Variants in VIT observed in about 807,000 individuals in gnomAD.
VIT encodes the protein vitrin.
In VIT, 99 loss-of-function variants were observed where a neutral mutation model predicts 78.0. The observed-to-expected ratio is 1.27, with a 90% confidence interval of 1.08 to 1.50. VIT has a LOEUF of 1.50. Ranked by LOEUF, VIT falls within the 40% of genes most tolerant of loss-of-function variation. VIT has a pLI of 0.00. For missense variants in VIT, 1,126 were observed against 875.3 expected, an observed-to-expected ratio of 1.29 and a Z score of -3.61; for synonymous variants, 374 against 334.3, an observed-to-expected ratio of 1.12 and a Z score of -1.29.
At position 36,758,924 on chromosome 2, in the gene VIT, C is replaced by T. The variant is rs185548776; in HGVS notation, c.410-45C>T. The T allele has an allele frequency of 4.3e-4, 672 of 1,547,810 alleles. 1 individual carries two copies. The highest frequency in any genetic ancestry group is 9.2e-4 in the Admixed American group (55 of 59,474). On this transcript the variant is annotated intron_variant, in intron 5 of 15. Coordinates refer to ENST00000379242, the MANE Select transcript of VIT (RefSeq NM_053276.4). ...CTTAGTACAGAACCATCTAAAACCT[C>T]TAGCTCTAGAAATAAATCTCGTTTT...
intron 11 of VIT, among the ~76,000 whole-genome samples, chr2:36,786,019 TG>T (rs746918395): frequency 4.6e-5 from 7 of 152,188 alleles, no homozygotes; most frequent in Admixed American, 6.5e-5. Context: ...TCCAGCTCTG[TG>T]GCAACAATGC....
Position 36,805,545 on chromosome 2 carries a change from A to G in VIT, c.1270A>G (p.Lys424Glu), listed in dbSNP as rs1239525768. 1.9e-6 allele frequency: 3 copies of G among 1,614,038 alleles called. No individual in the cohort carries two copies. Among genetic ancestry groups the G allele is most frequent in the Non-Finnish European group, 2.5e-6 (3 of 1,180,034 alleles). ...VVMVDGWPTD[K>E]VEEASRLARE... ...GATGGTGGATGGCTGGCCCACGGACAAAGTGGAGGAGGCTTCAAGACTTGC... is the reference window on the plus strand; with the variant it reads ...GATGGTGGATGGCTGGCCCACGGACGAAGTGGAGGAGGCTTCAAGACTTGC... The change falls in exon 14 of 16, where the codon AAA becomes GAA. Residue 424 changes from lysine to glutamate, a missense_variant. Coordinates refer to ENST00000379242, the MANE Select transcript of VIT (RefSeq NM_053276.4).
chr2:36,719,034 C>T (rs768611401), intron 2 of VIT, among the ~76,000 whole-genome samples: 1 of 152,204 alleles, frequency 6.6e-6, no homozygotes, highest in Non-Finnish European at 1.5e-5. Context: ...CAAACTGAGG[C>T]CATTTCACCT....
At chr2:36,709,999 T>A (rs1168883086) in intron 1 of VIT, among the ~76,000 whole-genome samples, 1 of 152,130 alleles carries the variant, frequency 6.6e-6, no homozygotes, top group Non-Finnish European at 1.5e-5. Context: ...CCTGGAGCAA[T>A]GAGCAAGAGT....
intron 3 of VIT, among the ~76,000 whole-genome samples, chr2:36,731,615 G>C (rs562479667): frequency 6.6e-6 from 1 of 151,978 alleles, no homozygotes; most frequent in Non-Finnish European, 1.5e-5. Context: ...TAAAAGTAAG[G>C]GCTATTATTA....
At chr2:36,803,048 G>A (rs1291906056) in intron 13 of VIT, among the ~76,000 whole-genome samples, 4 of 152,276 alleles carry the variant, frequency 2.6e-5, no homozygotes. Context: ...TGTCCAGGAA[G>A]CCAGCAGGAT....
intron 2 of VIT, among the ~76,000 whole-genome samples, chr2:36,720,133 GA>G (rs1227861472): frequency 2.0e-5 from 3 of 151,632 alleles, no homozygotes; most frequent in African/African-American, 4.8e-5. Flanking sequence ...CAGAAATTTG[GA>G]AAAAAAATTC....
intron 9 of VIT, among the ~76,000 whole-genome samples, chr2:36,776,077 G>A (rs1391243802): frequency 6.6e-6 from 1 of 152,226 alleles, no homozygotes; most frequent in Non-Finnish European, 1.5e-5. Context: ...CACTTATGGT[G>A]TGCCAGACAG....
At chr2:36,801,209 A>G in intron 12 of VIT, 92 bp from the exon 13 acceptor site, 1 of 1,166,076 alleles carries the variant, frequency 8.6e-7, no homozygotes, top group Non-Finnish European at 1.3e-6. Flanking sequence ...AGCAGCTTCT[A>G]TTTGTATATA....
intron 1 of VIT, among the ~76,000 whole-genome samples, chr2:36,709,233 A>T (rs572874291): frequency 1.3e-5 from 2 of 152,202 alleles, no homozygotes; most frequent in African/African-American, 4.8e-5. Flanking sequence ...CGTACTATGA[A>T]ACAGCTATGG....
In VIT at chr2:36,712,770, C is replaced by G. The variant is rs141281477; in HGVS notation, c.-18-3583C>G. On this transcript the variant is annotated intron_variant, in intron 1 of 15. Coordinates refer to ENST00000379242, the MANE Select transcript of VIT (RefSeq NM_053276.4). ...GAATTGCTTGAACCCGGGAGGTGGA[C>G]GTTGCAGTGAGCTGAGATTGCAGCA... 4.8e-3 allele frequency among the ~76,000 whole-genome samples: 725 copies of G among 152,244 alleles called. 8 individuals carry two copies. Among genetic ancestry groups the G allele is most frequent in the African/African-American group, 0.015 (642 of 41,540 alleles).
chr2:36,714,823 C>A (rs1034743944), intron 1 of VIT, among the ~76,000 whole-genome samples: 10 of 152,126 alleles, frequency 6.6e-5, no homozygotes, highest in African/African-American at 2.4e-4. Context: ...ATAAAACCTA[C>A]CATGGTGACG....
chr2:36,724,665 C>G (rs918059605), intron 2 of VIT, among the ~76,000 whole-genome samples: 1 of 152,148 alleles, frequency 6.6e-6, no homozygotes, highest in East Asian at 1.9e-4. Context: ...TTTGTGCCAT[C>G]GAAGATAATG....
rs555247841 is a variant in VIT, at chr2:36,783,357, G to T, written c.865G>T (p.Glu289Ter). ...LLDEGLVPKE[E>*]LSTQSLEPVS... ...CTTTCCAGGACTTGTTCCAAAAGAA[G>T]AATTGAGCACACAGTCTTTGGAGCC... The change falls in exon 11 of 16, where the codon GAA (glutamate) becomes TAA (stop). Residue 289 changes from glutamate (E) to a stop codon, truncating the protein, a stop_gained. Coordinates refer to ENST00000379242, the MANE Select transcript of VIT (RefSeq NM_053276.4). LOFTEE classifies it high-confidence loss of function. 1.2e-6 allele frequency: 2 copies of T among 1,614,152 alleles called. No homozygotes were observed. Among genetic ancestry groups the T allele is most frequent in the South Asian group, 2.2e-5 (2 of 91,086 alleles).
chr2:36,774,836 G>C (rs971906722), intron 8 of VIT, 166 bp from the exon 9 acceptor site: 19 of 985,400 alleles, frequency 1.9e-5, no homozygotes, highest in Non-Finnish European at 2.3e-5. Flanking sequence ...CCTTGGCCAA[G>C]ATTTTTGCCT....
rs569913858 is a variant in VIT at position 36,744,392 on chromosome 2, A to G, written c.275+1136A>G. Among the ~76,000 whole-genome samples the G allele has an allele frequency of 5.1e-3, 772 of 152,318 alleles. 3 individuals are homozygous for G. Among genetic ancestry groups the G allele is most frequent in the Non-Finnish European group, 8.8e-3 (599 of 68,014 alleles). On this transcript the variant is annotated intron_variant, in intron 4 of 15. Coordinates refer to ENST00000379242, the MANE Select transcript of VIT (RefSeq NM_053276.4). The stretch of plus-strand genomic sequence containing the variant: ...TGGTTGTTCATTAGTTCTTTGAGAA[A>G]TCTCCAAACTGCTCTCCACATTGGC...
intron 3 of VIT, among the ~76,000 whole-genome samples, chr2:36,736,557 C>G (rs1667520049): frequency 6.6e-6 from 1 of 152,166 alleles, no homozygotes; most frequent in Non-Finnish European, 1.5e-5. Context: ...GGCCTTAGTC[C>G]AAAGTGGTGT....
chr2:36,794,770 G>C (rs59579324), intron 12 of VIT, among the ~76,000 whole-genome samples: 2 of 151,930 alleles, frequency 1.3e-5, no homozygotes, highest in African/African-American at 4.8e-5. Context: ...CCAACCTTTC[G>C]ATCTATTTAA....
intron 3 of VIT, among the ~76,000 whole-genome samples, chr2:36,734,958 G>C (rs1162137901): frequency 1.3e-5 from 2 of 152,120 alleles, no homozygotes; most frequent in Non-Finnish European, 2.9e-5. Flanking sequence ...GAGGTCAGGA[G>C]TTCGAGACCA....
Sources: allele counts gnomAD v4.1 joint callset (sites outside exome capture counted in the v4.1 genomes callset), GRCh38; gene constraint gnomAD v4.1.1; transcripts MANE v1.5; gene names NCBI Gene and HGNC (gene_info 2026-07-23, HGNC 2026-07-21).